SBDS: variants seen among roughly 807,000 people sequenced by gnomAD.
The protein encoded by SBDS is SBDS ribosome maturation factor, also known as ribosome maturation protein SBDS.
In SBDS, 20 loss-of-function variants were observed where a neutral mutation model predicts 26.4. The ratio of observed to expected loss-of-function variants is 0.76; its 90% CI spans 0.53 to 1.10. SBDS has a LOEUF of 1.10. SBDS is among the 50% of genes least tolerant of loss of function. SBDS has a pLI of 0.00. For synonymous variants in SBDS, 95 were observed against 105.1 expected (o/e 0.90, Z 0.59); for missense variants, 241 against 302.0 (o/e 0.80, Z 1.50).
chr7:66,993,044 T>C (rs1793009439), intron 3 of SBDS, among the ~76,000 whole-genome samples, 173 bp downstream of exon 3: 1 of 150,978 alleles, frequency 6.6e-6, no homozygotes, highest in African/African-American at 2.4e-5. Context: ...GGGGCGTCCC[T>C]ATGTTTCCCA....
intron 4 of SBDS, among the ~76,000 whole-genome samples, chr7:66,988,827 CAGTAA>C (rs1415101002): frequency 6.6e-6 from 1 of 152,160 alleles, no homozygotes; most frequent in Non-Finnish European, 1.5e-5. Flanking sequence ...TTTTATAGCT[CAGTAA>C]AGTCACCTCC....
Position 66,989,438 on chromosome 7 carries a change from G to A in SBDS, c.625-939C>T, listed in dbSNP as rs551277260. Among the ~76,000 whole-genome samples the A allele has an allele frequency of 3.8e-4, 57 of 151,964 alleles. No homozygotes were observed. In the South Asian group the frequency reaches 0.012, roughly 31 times the overall value. On this transcript the variant is annotated intron_variant, in intron 4 of 4. Transcript: ENST00000246868. ...CACATGCCTGTAATCCCAGCTACTC[G>A]GGAGGCTGAGGCAGGAGAATCGCTT...
intron 4 of SBDS, among the ~76,000 whole-genome samples, chr7:66,989,043 G>A (rs1031542294): frequency 6.6e-6 from 1 of 151,790 alleles, no homozygotes; most frequent in African/African-American, 2.4e-5. Flanking sequence ...CTTATTTTTT[G>A]TATTTTTAGT....
Position 66,991,165 on chromosome 7 carries a change from C to T in SBDS, c.596G>A (p.Ser199Asn). Residue 199 changes from serine (S) to asparagine (N), a missense_variant, in exon 4 of 5, where the codon AGT becomes AAT. By Grantham distance (46) the Ser-to-Asn change is conservative. Transcript: ENST00000246868. ...KLKPLIKVIE[S>N]EDYGQQLEIV... ...TTCTAACTGTTGGCCATAATCTTCA[C>T]TTTCTATGACCTTGATCAGTGGCTT... 6.2e-7 allele frequency: 1 copy of T among 1,613,732 alleles called. No individual in the cohort carries two copies.
intron 4 of SBDS, among the ~76,000 whole-genome samples, chr7:66,990,679 A>G (rs568061414): frequency 6.6e-6 from 1 of 152,312 alleles, no homozygotes; most frequent in East Asian, 1.9e-4. Context: ...TGGGAAAAAA[A>G]TAAAAGGATT....
chr7:66,993,543 A>G, intron 2 of SBDS, 126 bp from the exon 3 acceptor site: 1 of 771,990 alleles, frequency 1.3e-6, no homozygotes. Flanking sequence ...CCAGCTATCA[A>G]TATGTAAGTA....
chr7:66,990,314 A>C (rs1474948305), intron 4 of SBDS, among the ~76,000 whole-genome samples: 4 of 152,174 alleles, frequency 2.6e-5, no homozygotes, highest in Non-Finnish European at 4.4e-5. Context: ...CACCGCGCCC[A>C]GCCAGGATTC....
At position 66,988,354 on chromosome 7, in the gene SBDS, G is replaced by C. The variant is rs1792909818; in HGVS notation, c.*17C>G. ...GGAAACACTTTAGTGTTTTAGAGGT[G>C]AAGAGATTGATGGGTGTCATTCAAA... On this transcript the variant is annotated 3_prime_UTR_variant, in exon 5 of 5. Transcript: ENST00000246868. The C allele has an allele frequency of 6.2e-7, 1 of 1,612,240 alleles. No individual in the cohort carries two copies. Among genetic ancestry groups the C allele is most frequent in the Non-Finnish European group, 8.5e-7 (1 of 1,179,700 alleles).
At chr7:66,991,947 T>C (rs975229255) in intron 3 of SBDS, among the ~76,000 whole-genome samples, 1 of 152,188 alleles carries the variant, frequency 6.6e-6, no homozygotes, top group Non-Finnish European at 1.5e-5. Context: ...AACTGAACTC[T>C]TAAACACTGA....
chr7:66,993,464 A>G (rs1793018939), intron 2 of SBDS, 47 bp from the exon 3 acceptor site: 3 of 1,441,642 alleles, frequency 2.1e-6, no homozygotes, highest in Non-Finnish European at 2.9e-6. Flanking sequence ...TTTCTCTATC[A>G]CACACTATTT....
chr7:66,993,253 G>A lies in SBDS; in HGVS notation c.423C>T (p.His141=), dbSNP rs1286265137. 2.5e-6 allele frequency: 4 copies of A among 1,614,004 alleles called. No individual in the cohort carries two copies. In the African/African-American group the frequency reaches 5.3e-5, roughly 22 times the overall value. The change falls in exon 3 of 5, where the codon CAC becomes CAT. Residue 141 remains histidine, a synonymous_variant. Coordinates refer to ENST00000246868, the MANE Select transcript of SBDS (RefSeq NM_016038.4). ...ILIERAMKDI[H]YSVKTNKSTK... ...TACTCTTGTTGGTTTTCACCGAATA[G>A]TGGATGTCCTTCATGGCTCTCTCAA... is the stretch of plus-strand genomic sequence containing the variant.
chr7:66,993,140 G>T (rs145928420), intron 3 of SBDS, 77 bp downstream of exon 3: 1 of 1,328,330 alleles, frequency 7.5e-7, no homozygotes, highest in Admixed American at 1.7e-5. Context: ...CCTGGCCCCA[G>T]ACCCATTATT....
At chr7:66,988,761 T>C (rs552757626) in intron 4 of SBDS, among the ~76,000 whole-genome samples, 2 of 152,310 alleles carry the variant, frequency 1.3e-5, no homozygotes, top group South Asian at 4.1e-4. Context: ...CAGCTGTAAA[T>C]GGAAGGGACA....
At chr7:66,994,710 C>T (rs563011733) in intron 1 of SBDS, among the ~76,000 whole-genome samples, 19 of 152,282 alleles carry the variant, frequency 1.2e-4, no homozygotes, top group Non-Finnish European at 2.5e-4. Context: ...AGGCTGGCCT[C>T]GAACTCCTGG....
In SBDS at chr7:66,995,398, G is replaced by A. The variant is rs753899308; in HGVS notation, c.20C>T (p.Thr7Ile). 3 of 1,614,026 alleles carry A rather than the reference G, an allele frequency of 1.9e-6. No individual in the cohort carries two copies. The highest frequency in any genetic ancestry group is 2.7e-5 in the African/African-American group (2 of 75,066). Residue 7 changes from threonine (T) to isoleucine (I), a missense_variant, in exon 1 of 5, where the codon ACC becomes ATC. Transcript: ENST00000246868. MSIFTP[T>I]NQIRLTNVAV... ...CACATTGGTTAGGCGGATCTGGTTG[G>A]TGGGGGTGAAGATCGACATCGCGGC...
chr7:66,995,195 C>T, intron 1 of SBDS, 95 bp downstream of exon 1: 1 of 1,553,348 alleles, frequency 6.4e-7, no homozygotes. Context: ...GCCAACACCC[C>T]AGCCTGGCCC....
intron 3 of SBDS, among the ~76,000 whole-genome samples, chr7:66,992,506 G>A (rs1792994245): frequency 6.6e-6 from 1 of 151,836 alleles, no homozygotes; most frequent in Admixed American, 6.6e-5. Context: ...AAAAAGAAGT[G>A]TTAAAATGAC....
At position 66,991,283 on chromosome 7, in the gene SBDS, G is replaced by T. The variant is rs1387962158; in HGVS notation, c.478C>A (p.Gln160Lys). ...TKQQALEVIKQLKEKMKIERA... is the reference protein window; with the variant it reads ...TKQQALEVIKKLKEKMKIERA... ...TCTATCTTCATTTTCTCTTTTAACT[G>T]CTTTATCACTTCCAAAGCCTACCAA... The change falls in exon 4 of 5, where the codon CAG (glutamine) becomes AAG (lysine). Residue 160 changes from glutamine to lysine, a missense_variant. Transcript: ENST00000246868. 6.2e-7 allele frequency: 1 copy of T among 1,612,444 alleles called. No homozygotes were observed.
rs1032706368 is a variant in SBDS at position 66,995,541 on chromosome 7, G to C, written c.-124C>G. The C allele has an allele frequency of 3.1e-5, 44 of 1,411,116 alleles. No homozygotes were observed. The highest frequency in any genetic ancestry group is 2.0e-6 in the Non-Finnish European group (2 of 1,020,950). 87.4% of individuals were successfully genotyped at this position (1,411,116 alleles called of 1,614,324 possible). ...GCGGCACTGACCCAACCACCAGTGC[G>C]CGGCGCCGCGACTCACTAGCTTCAG... On this transcript the variant is annotated 5_prime_UTR_variant, in exon 1 of 5. Coordinates refer to ENST00000246868, the MANE Select transcript of SBDS (RefSeq NM_016038.4).
Sources: allele counts gnomAD v4.1 joint callset (sites outside exome capture counted in the v4.1 genomes callset), GRCh38; gene constraint gnomAD v4.1.1; transcripts MANE v1.5; gene names NCBI Gene and HGNC (gene_info 2026-07-23, HGNC 2026-07-21).